MPPED1: variants seen among roughly 807,000 people sequenced by gnomAD.
MPPED1 encodes metallophosphoesterase domain containing 1, also known as metallophosphoesterase domain-containing protein 1.
In MPPED1, 16 loss-of-function variants were observed where a neutral mutation model predicts 36.2. The ratio of observed to expected loss-of-function variants is 0.44; its 90% CI spans 0.30 to 0.67. The LOEUF (loss-of-function observed/expected upper bound fraction) is 0.67, where lower values mean the gene tolerates loss of function less well. Among genes scored for constraint, MPPED1 ranks in the 30% least tolerant of loss-of-function variants. The probability of loss-of-function intolerance (pLI) is 0.10; values close to 1 mark genes in which losing one functional copy is unlikely to be tolerated. For synonymous variants in MPPED1, 199 were observed against 191.3 expected, an observed-to-expected ratio of 1.04 and a Z score of -0.33; for missense variants, 307 against 453.4, an observed-to-expected ratio of 0.68 and a Z score of 2.93.
At chr22:43,495,594 AGGT>A (rs1361051042) in intron 4 of MPPED1, among the ~76,000 whole-genome samples, 94 of 38,146 alleles carry the variant, frequency 2.5e-3, no homozygotes, top group Non-Finnish European at 4.7e-3. Flanking sequence ...GTGGTGGTGG[AGGT>A]GGTGATGGTG....
intron 1 of MPPED1, among the ~76,000 whole-genome samples, chr22:43,423,665 T>C (rs898914574): frequency 2.0e-5 from 3 of 152,254 alleles, no homozygotes; most frequent in African/African-American, 4.8e-5. Context: ...CAGTCTCTAA[T>C]TTTTGTCTTT....
rs1201517891 is a variant in MPPED1, at chr22:43,506,941, C to G, written c.*1325C>G. The G allele has an allele frequency of 6.6e-6, 1 of 151,988 alleles. No individual in the cohort carries two copies. Among genetic ancestry groups the G allele is most frequent in the Non-Finnish European group, 1.5e-5 (1 of 67,962 alleles). 9.4% of individuals were successfully genotyped at this position (151,988 alleles called of 1,614,324 possible). A position where few individuals can be genotyped will look rare whatever the true frequency, so the allele number is the denominator to read the frequency against. On this transcript the variant is annotated 3_prime_UTR_variant, in exon 7 of 7. Coordinates refer to ENST00000443721, the MANE Select transcript of MPPED1 (RefSeq NM_001044370.2). ...CCTGATTGGTGACTTTTTTTGCACCCCTTTCCGTTGTACATCTGAGAGAAG... is the reference window on the plus strand; with the variant it reads ...CCTGATTGGTGACTTTTTTTGCACCGCTTTCCGTTGTACATCTGAGAGAAG...
At chr22:43,415,585 C>T (rs1929052842) in intron 1 of MPPED1, among the ~76,000 whole-genome samples, 1 of 152,146 alleles carries the variant, frequency 6.6e-6, no homozygotes, top group South Asian at 2.1e-4. Context: ...CAGGCCTTTT[C>T]ATGAATTACT....
intron 3 of MPPED1, among the ~76,000 whole-genome samples, chr22:43,453,324 A>ACC (rs200373624): frequency 7.8e-6 from 1 of 128,206 alleles, no homozygotes; most frequent in African/African-American, 2.5e-5. Context: ...TCCCCGCACC[A>ACC]CCCCCCCTGC....
chr22:43,430,246 C>G (rs1037209803), intron 2 of MPPED1, among the ~76,000 whole-genome samples: 5 of 152,226 alleles, frequency 3.3e-5, no homozygotes, highest in African/African-American at 1.2e-4. Context: ...TCTGATGCCT[C>G]TCTGGGCTTT....
chr22:43,490,482 C>T (rs1217249302), intron 4 of MPPED1, among the ~76,000 whole-genome samples: 1 of 152,096 alleles, frequency 6.6e-6, no homozygotes, highest in African/African-American at 2.4e-5. Flanking sequence ...GAGGAAGGCT[C>T]CTTGGTGTTG....
chr22:43,470,963 G>A (rs1931354946), intron 3 of MPPED1, among the ~76,000 whole-genome samples: 1 of 152,226 alleles, frequency 6.6e-6, no homozygotes, highest in Non-Finnish European at 1.5e-5. Flanking sequence ...CACCCCAGCA[G>A]GTGGTGGCTC....
At chr22:43,452,233 G>T (rs1038396064) in intron 3 of MPPED1, among the ~76,000 whole-genome samples, 1 of 152,034 alleles carries the variant, frequency 6.6e-6, no homozygotes, top group Non-Finnish European at 1.5e-5. Flanking sequence ...GGCCAGGCTG[G>T]TCTCAAACTC....
At chr22:43,497,935 G>GTATGTATATATATATATATATATATA (rs1932480800) in intron 4 of MPPED1, among the ~76,000 whole-genome samples, 1 of 128,364 alleles carries the variant, frequency 7.8e-6, no homozygotes, top group Non-Finnish European at 1.6e-5. Context: ...ATATGTATAT[G>GTATGTATATATATATATATATATATA]TATATATATA....
In MPPED1 at chr22:43,502,530, C is replaced by T. The variant is rs549760294; in HGVS notation, c.749-114C>T. On this transcript the variant is annotated intron_variant, in intron 5 of 6. Coordinates refer to ENST00000443721, the MANE Select transcript of MPPED1 (RefSeq NM_001044370.2). The surrounding 1 kb of genome is among the most constrained non-coding windows in gnomAD (Gnocchi z 5.5). ...TTGCTAGGGGAGAGTGGTGCAAAGC[C>T]GGAGTCCGGAAGCCCCATGCCTTCT... 5.8e-5 allele frequency: 44 copies of T among 763,950 alleles called. No individual in the cohort carries two copies. Among genetic ancestry groups the T allele is most frequent in the South Asian group, 5.4e-4 (34 of 63,106 alleles). The allele number at this position is 763,950 out of a possible 1,614,324, so 47.3% of individuals were successfully genotyped here.
intron 4 of MPPED1, among the ~76,000 whole-genome samples, chr22:43,483,137 C>G (rs1304920491): frequency 6.6e-6 from 1 of 152,220 alleles, no homozygotes; most frequent in East Asian, 1.9e-4. Flanking sequence ...GGAGGCCCCA[C>G]CTGGTGTGCA....
intron 3 of MPPED1, among the ~76,000 whole-genome samples, chr22:43,440,309 C>T (rs948926911): frequency 7.2e-5 from 11 of 152,322 alleles, no homozygotes; most frequent in South Asian, 2.1e-4. Flanking sequence ...ACTCAGGGAG[C>T]GTAAGTTGAG....
At chr22:43,421,681 G>A (rs925218201) in intron 1 of MPPED1, among the ~76,000 whole-genome samples, 1 of 152,206 alleles carries the variant, frequency 6.6e-6, no homozygotes, top group Non-Finnish European at 1.5e-5. Flanking sequence ...CAGACATTCT[G>A]TATGTCCTTC....
At chr22:43,491,881 T>C (rs1224209549) in intron 4 of MPPED1, among the ~76,000 whole-genome samples, 1 of 149,710 alleles carries the variant, frequency 6.7e-6, no homozygotes, top group Non-Finnish European at 1.5e-5. Flanking sequence ...GTGATGGTGA[T>C]GATGATGGAG....
At chr22:43,430,845 T>A (rs1290996424) in intron 2 of MPPED1, among the ~76,000 whole-genome samples, 1 of 151,958 alleles carries the variant, frequency 6.6e-6, no homozygotes, top group East Asian at 1.9e-4. Flanking sequence ...AGCTTGGGCA[T>A]GGACTAACTT....
intron 4 of MPPED1, among the ~76,000 whole-genome samples, chr22:43,497,583 T>C (rs1428983904): frequency 1.3e-5 from 2 of 152,018 alleles, no homozygotes; most frequent in Non-Finnish European, 2.9e-5. Context: ...AGGGGGAATA[T>C]CTGGCATTGA....
At chr22:43,437,086 G>T (rs1380621926) in intron 3 of MPPED1, among the ~76,000 whole-genome samples, 1 of 152,238 alleles carries the variant, frequency 6.6e-6, no homozygotes, top group African/African-American at 2.4e-5. Flanking sequence ...TTCAGACTGA[G>T]GGAGGAGGAG....
At chr22:43,430,435 G>A (rs1162347742) in intron 2 of MPPED1, among the ~76,000 whole-genome samples, 1 of 152,218 alleles carries the variant, frequency 6.6e-6, no homozygotes, top group Non-Finnish European at 1.5e-5. Flanking sequence ...GAGCAGGGCT[G>A]GAGCCTGGTG....
intron 5 of MPPED1, among the ~76,000 whole-genome samples, chr22:43,500,187 GT>G (rs1932640143): frequency 2.4e-5 from 1 of 41,458 alleles, no homozygotes; most frequent in South Asian, 6.1e-4. Flanking sequence ...GGTGGTGATG[GT>G]GATGGAGGTG....
Sources: allele counts gnomAD v4.1 joint callset (sites outside exome capture counted in the v4.1 genomes callset), GRCh38; gene constraint gnomAD v4.1.1; non-coding constraint Gnocchi (gnomAD v3.1); transcripts MANE v1.5; gene names NCBI Gene and HGNC (gene_info 2026-07-23, HGNC 2026-07-21).